The following PPP3CA variants were observed in gnomAD, a reference collection of about 807,000 sequenced individuals.
PPP3CA encodes the protein protein phosphatase 3 catalytic subunit alpha.
In PPP3CA, 14 loss-of-function variants were observed where a neutral mutation model predicts 66.5. That is an observed-to-expected ratio of 0.21 (90% CI 0.14 to 0.33). The LOEUF (loss-of-function observed/expected upper bound fraction) is 0.33, where lower values mean the gene tolerates loss of function less well. Ranked by LOEUF, PPP3CA falls within the 10% of genes least tolerant of loss-of-function variation. The probability of loss-of-function intolerance (pLI) is 1.00; values close to 1 mark genes in which losing one functional copy is unlikely to be tolerated. For synonymous variants in PPP3CA, 232 were observed against 226.2 expected (o/e 1.03, Z -0.23); for missense variants, 317 against 639.5 (o/e 0.50, Z 5.44).
intron 2 of PPP3CA, among the ~76,000 whole-genome samples, chr4:101,121,105 C>T (rs1207878820): frequency 6.6e-6 from 1 of 151,988 alleles, no homozygotes; most frequent in Non-Finnish European, 1.5e-5. Flanking sequence ...ATCCTAATTT[C>T]AAATTTAGTT....
chr4:101,287,811 T>A (rs1727893595), intron 1 of PPP3CA, among the ~76,000 whole-genome samples: 1 of 152,048 alleles, frequency 6.6e-6, no homozygotes, highest in Non-Finnish European at 1.5e-5. Context: ...CTAAAGGAGT[T>A]TTCAGTAAGT....
At chr4:101,168,337 T>G (rs1723759495) in intron 2 of PPP3CA, among the ~76,000 whole-genome samples, 1 of 152,168 alleles carries the variant, frequency 6.6e-6, no homozygotes, top group Admixed American at 6.5e-5. Flanking sequence ...TGGAAATGTT[T>G]AAATTTGAGG....
intron 10 of PPP3CA, among the ~76,000 whole-genome samples, chr4:101,042,867 A>C (rs1329494624): frequency 6.7e-6 from 1 of 148,412 alleles, no homozygotes; most frequent in Non-Finnish European, 1.5e-5. Flanking sequence ...CTTCCTATAC[A>C]TGTATATATA....
intron 1 of PPP3CA, among the ~76,000 whole-genome samples, chr4:101,267,627 C>CA (rs1727210279): frequency 6.6e-6 from 1 of 152,118 alleles, no homozygotes; most frequent in Non-Finnish European, 1.5e-5. Flanking sequence ...AAGGAGATGA[C>CA]ACCTAATCTG....
intron 2 of PPP3CA, among the ~76,000 whole-genome samples, chr4:101,125,898 T>C (rs767607418): frequency 3.9e-5 from 6 of 152,246 alleles, no homozygotes; most frequent in Non-Finnish European, 5.9e-5. Context: ...TTTCTGGCTA[T>C]TAAGTCATCA....
chr4:101,044,637 T>C (rs181841167), intron 10 of PPP3CA, among the ~76,000 whole-genome samples: 43 of 152,322 alleles, frequency 2.8e-4, no homozygotes, highest in Non-Finnish European at 5.3e-4. Flanking sequence ...CTTCTTTTTT[T>C]GGCCTCTCCT....
At chr4:101,112,318 T>A (rs1472325818) in intron 2 of PPP3CA, among the ~76,000 whole-genome samples, 1 of 152,192 alleles carries the variant, frequency 6.6e-6, no homozygotes, top group African/African-American at 2.4e-5. Context: ...TGGTCTATAA[T>A]AACTTTGTGA....
chr4:101,154,802 C>G (rs1315204393), intron 2 of PPP3CA, among the ~76,000 whole-genome samples: 1 of 146,332 alleles, frequency 6.8e-6, no homozygotes, highest in Non-Finnish European at 1.5e-5. Flanking sequence ...CACATTCACT[C>G]CCAGAATTTT....
At chr4:101,237,261 A>G (rs1306268617) in intron 1 of PPP3CA, among the ~76,000 whole-genome samples, 1 of 151,812 alleles carries the variant, frequency 6.6e-6, no homozygotes, top group Admixed American at 6.6e-5. Context: ...ATCAGGTCTA[A>G]TGTGTATACA....
chr4:101,085,763 T>C (rs1485061811), intron 6 of PPP3CA, among the ~76,000 whole-genome samples: 2 of 152,122 alleles, frequency 1.3e-5, no homozygotes, highest in Non-Finnish European at 2.9e-5. Flanking sequence ...AGAAACTCTG[T>C]TCCACTTTTA....
chr4:101,169,199 T>C (rs1161319662), intron 2 of PPP3CA, among the ~76,000 whole-genome samples: 2 of 152,194 alleles, frequency 1.3e-5, no homozygotes, highest in African/African-American at 4.8e-5. Context: ...GTGCCTAGTA[T>C]GGTAATCATG....
intron 3 of PPP3CA, among the ~76,000 whole-genome samples, chr4:101,107,195 T>C (rs1730792117): frequency 6.6e-6 from 1 of 152,238 alleles, no homozygotes; most frequent in African/African-American, 2.4e-5. Flanking sequence ...TCCCAAAACA[T>C]GTGTGCTCTC....
chr4:101,192,652 T>G (rs1222572307), intron 2 of PPP3CA, among the ~76,000 whole-genome samples: 1 of 152,148 alleles, frequency 6.6e-6, no homozygotes, highest in East Asian at 1.9e-4. Context: ...CTTCCCCATC[T>G]TTTTCACATA....
intron 3 of PPP3CA, among the ~76,000 whole-genome samples, chr4:101,105,317 C>A (rs1730616385): frequency 6.6e-6 from 1 of 151,682 alleles, no homozygotes; most frequent in Non-Finnish European, 1.5e-5. Context: ...CAGGCGCATG[C>A]CACCATGCCC....
intron 1 of PPP3CA, among the ~76,000 whole-genome samples, chr4:101,234,737 C>T (rs1048245938): frequency 2.6e-5 from 4 of 151,698 alleles, no homozygotes; most frequent in Non-Finnish European, 4.4e-5. Flanking sequence ...TAAGGCAGTT[C>T]GCAGTTAATG....
At chr4:101,059,643 A>G (rs1487505181) in intron 10 of PPP3CA, among the ~76,000 whole-genome samples, 1 of 152,156 alleles carries the variant, frequency 6.6e-6, no homozygotes, top group Non-Finnish European at 1.5e-5. Flanking sequence ...TTTAGAAAGG[A>G]CCACATTCTC....
Position 101,347,046 on chromosome 4 carries a change from G to C in PPP3CA, c.-250C>G. 3.4e-6 allele frequency: 2 copies of C among 579,922 alleles called. No individual in the cohort carries two copies. Among genetic ancestry groups the C allele is most frequent in the Non-Finnish European group, 6.0e-6 (2 of 331,316 alleles). 35.9% of individuals were successfully genotyped at this position (579,922 alleles called of 1,614,324 possible). ...GCCCCGCCGACTCGCTCCGGGCTGCGCGTGTGTGGTGGTTATTTATTTATT... is the reference window on the plus strand; with the variant it reads ...GCCCCGCCGACTCGCTCCGGGCTGCCCGTGTGTGGTGGTTATTTATTTATT... On this transcript the variant is annotated 5_prime_UTR_variant, in exon 1 of 14. Transcript: ENST00000394854.
Position 101,304,883 on chromosome 4 carries a change from G to A in PPP3CA, c.58+41856C>T, listed in dbSNP as rs148793083. Among the ~76,000 whole-genome samples the A allele has an allele frequency of 5.0e-3, 758 of 152,212 alleles. 5 individuals are homozygous for A. Among genetic ancestry groups the A allele is most frequent in the African/African-American group, 0.016 (680 of 41,546 alleles). On this transcript the variant is annotated intron_variant, in intron 1 of 13. Transcript: ENST00000394854. The stretch of plus-strand genomic sequence containing the variant: ...TATTTTTATGTGCTACAATCTATAC[G>A]AGACTAACTAAACAGGCCAGTCAGT...
At chr4:101,071,474 C>A (rs1728914679) in intron 8 of PPP3CA, among the ~76,000 whole-genome samples, 1 of 152,276 alleles carries the variant, frequency 6.6e-6, no homozygotes, top group African/African-American at 2.4e-5. Context: ...TTTTAACATT[C>A]CTCAGATTGT....
Sources: gnomAD v4.1 joint callset for allele counts (sites outside exome capture counted in the v4.1 genomes callset) on GRCh38, gnomAD v4.1.1 for gene constraint, MANE v1.5 for transcripts, NCBI Gene and HGNC (gene_info 2026-07-23, HGNC 2026-07-21) for gene names.